Variants in FNDC3B observed in about 807,000 individuals in gnomAD.
FNDC3B encodes fibronectin type III domain-containing protein 3B.
A neutral mutation model predicts 151.5 loss-of-function variants in FNDC3B; 12 were observed. That is an observed-to-expected ratio of 0.08 (90% confidence interval 0.05 to 0.13). The LOEUF is 0.13. Among genes scored for constraint, FNDC3B ranks in the 10% least tolerant of loss-of-function variants. The probability of loss-of-function intolerance (pLI) is 1.00; values close to 1 mark genes in which losing one functional copy is unlikely to be tolerated. For synonymous variants in FNDC3B, 528 were observed against 549.0 expected, an observed-to-expected ratio of 0.96 and a Z score of 0.54; for missense variants, 1,214 against 1,505.3, an observed-to-expected ratio of 0.81 and a Z score of 3.20.
intron 3 of FNDC3B, among the ~76,000 whole-genome samples, chr3:172,153,651 A>G (rs1350406881): frequency 6.6e-6 from 1 of 152,214 alleles, no homozygotes; most frequent in African/African-American, 2.4e-5. Context: ...TATAGGAAGG[A>G]AGGAGGAGGA....
intron 6 of FNDC3B, among the ~76,000 whole-genome samples, chr3:172,285,369 C>T (rs1367015183): frequency 1.3e-5 from 2 of 152,214 alleles, no homozygotes; most frequent in African/African-American, 4.8e-5. Context: ...CCGTTGTTCA[C>T]ACAGAAGACA....
intron 1 of FNDC3B, among the ~76,000 whole-genome samples, chr3:172,082,845 T>G (rs1030868502): frequency 6.6e-6 from 1 of 152,190 alleles, no homozygotes; most frequent in Non-Finnish European, 1.5e-5. Flanking sequence ...CAGTTTCACA[T>G]CCAGATGTAG....
intron 1 of FNDC3B, among the ~76,000 whole-genome samples, chr3:172,107,028 C>T (rs79773028): frequency 0.011 from 1,630 of 152,206 alleles, 26 homozygotes; most frequent in African/African-American, 0.037. Context: ...CCAAACCCTG[C>T]GTTTGAGCTC....
chr3:172,267,915 T>C lies in FNDC3B; in HGVS notation c.790+16374T>C, dbSNP rs539270656. 4.6e-5 allele frequency among the ~76,000 whole-genome samples: 7 copies of C among 152,376 alleles called. No homozygotes were observed. The South Asian group carries it at 1.4e-3, about 32-fold the overall frequency. On this transcript the variant is annotated intron_variant, in intron 6 of 25. Transcript: ENST00000415807. ...TGTCTTTTCTCTGATGGCTGTCATGTAGGCAGAGTCTAATAATTAATTTAA... is the reference window on the plus strand; with the variant it reads ...TGTCTTTTCTCTGATGGCTGTCATGCAGGCAGAGTCTAATAATTAATTTAA...
chr3:172,326,989 G>A (rs908087315), intron 11 of FNDC3B, among the ~76,000 whole-genome samples: 5 of 152,132 alleles, frequency 3.3e-5, no homozygotes, highest in Non-Finnish European at 7.4e-5. Flanking sequence ...AAATAGAGGA[G>A]GAAAGAAGGT....
chr3:172,342,881 G>T lies in FNDC3B; in HGVS notation c.1972-130G>T, dbSNP rs76793927. The T allele has an allele frequency of 2.1e-3, 1,274 of 594,098 alleles. 23 individuals carry two copies. In the East Asian group the frequency reaches 0.027, roughly 13 times the overall value. The allele number at this position is 594,098 out of a possible 1,614,324, so 36.8% of individuals were successfully genotyped here. ...AATTACATTAAAAGCATACCATAAT[G>T]TGCACACATTTAGTGTGTAACCCCT... On this transcript the variant is annotated intron_variant, in intron 17 of 25. Coordinates refer to ENST00000415807, the MANE Select transcript of FNDC3B (RefSeq NM_022763.4).
chr3:172,287,998 C>T (rs1014323011), intron 7 of FNDC3B, among the ~76,000 whole-genome samples: 2 of 152,210 alleles, frequency 1.3e-5, no homozygotes, highest in Admixed American at 6.5e-5. Flanking sequence ...CTGGCCAGGC[C>T]GTTCTGTACC....
At chr3:172,317,946 G>T (rs1368196008) in intron 11 of FNDC3B, among the ~76,000 whole-genome samples, 1 of 152,230 alleles carries the variant, frequency 6.6e-6, no homozygotes, top group Non-Finnish European at 1.5e-5. Flanking sequence ...GTGGGAATGT[G>T]ACTACTGGAG....
At chr3:172,174,936 C>CA (rs1560001500) in intron 3 of FNDC3B, among the ~76,000 whole-genome samples, 1 of 50,394 alleles carries the variant, frequency 2.0e-5, no homozygotes, top group Non-Finnish European at 5.5e-5. Flanking sequence ...CCCCGCCACC[C>CA]CCCCCCCCCC....
Position 172,330,706 on chromosome 3 carries a change from G to A in FNDC3B, c.1545G>A (p.Glu515=), listed in dbSNP as rs1732605676. The A allele has an allele frequency of 1.9e-6, 3 of 1,612,592 alleles. No individual in the cohort carries two copies. Among genetic ancestry groups the A allele is most frequent in the Non-Finnish European group, 2.5e-6 (3 of 1,178,938 alleles). The change falls in exon 13 of 26, where the codon GAG becomes GAA. Residue 515 remains glutamate (E), a synonymous_variant. Transcript: ENST00000415807. ...TCACCTACACCTTGGAAATTCAGGA[G>A]GATGAAAATGTGAGTTTTACAGATT... ...EVITYTLEIQ[E]DENDNLFHPK... is the part of the protein sequence containing the mutation.
intron 1 of FNDC3B, among the ~76,000 whole-genome samples, chr3:172,105,733 A>G (rs530731208): frequency 1.3e-5 from 2 of 152,048 alleles, no homozygotes; most frequent in Non-Finnish European, 1.5e-5. Context: ...GATTACAGGC[A>G]TTTTATTACT....
chr3:172,294,272 A>G (rs1190102292), intron 7 of FNDC3B, among the ~76,000 whole-genome samples: 1 of 152,212 alleles, frequency 6.6e-6, no homozygotes, highest in Non-Finnish European at 1.5e-5. Context: ...TCGCATTGCT[A>G]TGAAGAGCTA....
intron 1 of FNDC3B, among the ~76,000 whole-genome samples, chr3:172,068,861 G>A (rs149179389): frequency 4.1e-4 from 62 of 152,274 alleles, no homozygotes; most frequent in African/African-American, 1.4e-3. Context: ...TCCTCACAGT[G>A]TCCTGAATTA....
intron 13 of FNDC3B, 39 bp downstream of exon 13, chr3:172,330,754 C>T (rs373720093): frequency 7.9e-5 from 121 of 1,524,038 alleles, no homozygotes; most frequent in East Asian, 1.6e-4. Context: ...GTGTTTTGTA[C>T]GAGTCAGTAT....
At chr3:172,260,344 G>A (rs953542417) in intron 6 of FNDC3B, among the ~76,000 whole-genome samples, 14 of 152,366 alleles carry the variant, frequency 9.2e-5, no homozygotes, top group South Asian at 2.1e-4. Context: ...GGACCTTGCA[G>A]ATCTTGGTTT....
chr3:172,378,410 C>T lies in FNDC3B; in HGVS notation c.3149C>T (p.Thr1050Ile), dbSNP rs1735265192. Residue 1050 changes from threonine to isoleucine, a missense_variant, in exon 24 of 26, where the codon ACC becomes ATC. Coordinates refer to ENST00000415807, the MANE Select transcript of FNDC3B (RefSeq NM_022763.4). ...TCAGAAACCTATACCTTCAGCACAA[C>T]CAAAAGTGTCCCCCCCACCATCAAA... ...PFSETYTFSTTKSVPPTIKAP... is the reference protein window; with the variant it reads ...PFSETYTFSTIKSVPPTIKAP... 4 of 1,612,626 alleles carry T rather than the reference C, an allele frequency of 2.5e-6. No homozygotes were observed. Among genetic ancestry groups the T allele is most frequent in the East Asian group, 2.2e-5 (1 of 44,860 alleles).
rs186094527 is a variant in FNDC3B, at chr3:172,162,631, C to T, written c.187+29085C>T. 3.3e-4 allele frequency among the ~76,000 whole-genome samples: 49 copies of T among 150,442 alleles called. No homozygotes were observed. In the East Asian group the frequency reaches 7.8e-3, roughly 24 times the overall value. ...TGTATGAGGGTTCCCGATTTCTTCA[C>T]ATTCTTGTCAACACTTGTTATTACC... On this transcript the variant is annotated intron_variant, in intron 3 of 25. Coordinates refer to ENST00000415807, the MANE Select transcript of FNDC3B (RefSeq NM_022763.4).
chr3:172,329,860 T>C (rs1031577495), intron 12 of FNDC3B: 1 of 152,180 alleles, frequency 6.6e-6, no homozygotes. Flanking sequence ...CAAAGCCCTT[T>C]ATGGCTCAAG....
Position 172,352,752 on chromosome 3 carries a change from A to T in FNDC3B, c.2515-51A>T, listed in dbSNP as rs1343948881. 6.4e-7 allele frequency: 1 copy of T among 1,565,468 alleles called. No homozygotes were observed. The highest frequency in any genetic ancestry group is 8.6e-7 in the Non-Finnish European group (1 of 1,156,808). On this transcript the variant is annotated intron_variant, in intron 21 of 25. Coordinates refer to ENST00000415807, the MANE Select transcript of FNDC3B (RefSeq NM_022763.4). This position sits in a 1 kb window ranked among gnomAD's most constrained non-coding sequence, Gnocchi z 4.2. ...AATGGCAGCTAACTCAGAGGCATCA[A>T]AATGTGCTAATGGTGTAATATGGCC...
Sources: allele counts gnomAD v4.1 joint callset (sites outside exome capture counted in the v4.1 genomes callset), GRCh38; gene constraint gnomAD v4.1.1; non-coding constraint Gnocchi (gnomAD v3.1); transcripts MANE v1.5; gene names NCBI Gene and HGNC (gene_info 2026-07-23, HGNC 2026-07-21).